WWOX: variants seen among roughly 807,000 people sequenced by gnomAD.
WWOX encodes the protein WW domain containing oxidoreductase.
Under a neutral mutation model 46.2 loss-of-function variants are expected in WWOX, and 69 were observed. The ratio of observed to expected loss-of-function variants is 1.49; its 90% CI spans 1.23 to 1.82. The LOEUF is 1.82. WWOX is among the 40% of genes most tolerant of loss of function. The probability of loss-of-function intolerance (pLI) is 0.00; values close to 1 mark genes in which losing one functional copy is unlikely to be tolerated. For missense variants in WWOX, 919 were observed against 542.6 expected (o/e 1.69, Z -6.89); for synonymous variants, 359 against 202.6 (o/e 1.77, Z -6.56).
At chr16:79,039,025 A>G (rs748383057) in intron 8 of WWOX, among the ~76,000 whole-genome samples, 1 of 152,180 alleles carries the variant, frequency 6.6e-6, no homozygotes, top group Non-Finnish European at 1.5e-5. Flanking sequence ...GTTATAATTC[A>G]TATGACTTAG....
intron 8 of WWOX, chr16:78,551,131 T>C (rs888982149): frequency 1.3e-5 from 2 of 152,132 alleles, no homozygotes; most frequent in Non-Finnish European, 1.5e-5. Flanking sequence ...GAAACAGATA[T>C]CCAGTATATT....
chr16:78,653,711 G>A (rs2047017249), intron 8 of WWOX, among the ~76,000 whole-genome samples: 1 of 152,240 alleles, frequency 6.6e-6, no homozygotes, highest in Admixed American at 6.5e-5. Context: ...TAGAGCCACT[G>A]ATTCAGCTGT....
intron 5 of WWOX, among the ~76,000 whole-genome samples, chr16:78,172,236 T>G (rs1048607773): frequency 1.3e-5 from 2 of 152,224 alleles, no homozygotes; most frequent in African/African-American, 2.4e-5. Context: ...GCGCTTCTTG[T>G]AATCTGAGGG....
intron 8 of WWOX, among the ~76,000 whole-genome samples, chr16:79,135,352 T>C (rs2049962996): frequency 6.6e-6 from 1 of 152,230 alleles, no homozygotes; most frequent in Non-Finnish European, 1.5e-5. Flanking sequence ...GGATTACATT[T>C]ATTTTCATTT....
At chr16:78,562,764 C>G (rs1226866408) in intron 8 of WWOX, among the ~76,000 whole-genome samples, 1 of 152,190 alleles carries the variant, frequency 6.6e-6, no homozygotes, top group East Asian at 1.9e-4. Flanking sequence ...ATCTTTAACT[C>G]AGGGAAGACC....
At chr16:78,116,023 G>A (rs192190205) in intron 4 of WWOX, among the ~76,000 whole-genome samples, 1 of 151,844 alleles carries the variant, frequency 6.6e-6, no homozygotes, top group Non-Finnish European at 1.5e-5. Context: ...TTTTTTGTGG[G>A]TATATAAAGG....
intron 8 of WWOX, among the ~76,000 whole-genome samples, chr16:78,807,302 A>G (rs982255633): frequency 6.6e-6 from 1 of 152,256 alleles, no homozygotes; most frequent in Non-Finnish European, 1.5e-5. Context: ...ACAATGTCAA[A>G]ATACTTAAAA....
intron 8 of WWOX, among the ~76,000 whole-genome samples, chr16:78,869,618 G>A (rs941352406): frequency 6.6e-6 from 1 of 152,306 alleles, no homozygotes; most frequent in Non-Finnish European, 1.5e-5. Context: ...GTTGGGAAAG[G>A]GTGTCATGAT....
At chr16:78,868,147 A>G (rs2044047151) in intron 8 of WWOX, among the ~76,000 whole-genome samples, 1 of 152,208 alleles carries the variant, frequency 6.6e-6, no homozygotes, top group Non-Finnish European at 1.5e-5. Flanking sequence ...TAGCTGGGGA[A>G]TGGAGAAACA....
chr16:79,040,406 C>G (rs2047948433), intron 8 of WWOX, among the ~76,000 whole-genome samples: 1 of 151,868 alleles, frequency 6.6e-6, no homozygotes, highest in Non-Finnish European at 1.5e-5. Flanking sequence ...TCATGAGCAG[C>G]TGGGACCACA....
intron 8 of WWOX, among the ~76,000 whole-genome samples, chr16:78,853,992 A>G (rs551876234): frequency 1.1e-4 from 16 of 152,186 alleles, no homozygotes; most frequent in African/African-American, 2.4e-5. Flanking sequence ...TAAAAAATGA[A>G]CAGAGGAAAT....
intron 5 of WWOX, among the ~76,000 whole-genome samples, chr16:78,217,694 A>G (rs1436420235): frequency 6.6e-6 from 1 of 152,150 alleles, no homozygotes; most frequent in African/African-American, 2.4e-5. Context: ...CTGAGACGTT[A>G]AAGGCAAGAT....
intron 5 of WWOX, among the ~76,000 whole-genome samples, chr16:78,292,815 A>T (rs1270667510): frequency 6.6e-6 from 1 of 152,160 alleles, no homozygotes; most frequent in Admixed American, 6.5e-5. Flanking sequence ...CTGAATGTGC[A>T]CTTCATTAAA....
intron 4 of WWOX, among the ~76,000 whole-genome samples, chr16:78,120,616 A>G (rs1378347436): frequency 6.6e-6 from 1 of 152,138 alleles, no homozygotes; most frequent in Non-Finnish European, 1.5e-5. Context: ...GAATCCCAAA[A>G]TGTAATTATA....
intron 8 of WWOX, chr16:78,873,144 G>A (rs1378955916): frequency 1.3e-5 from 2 of 152,096 alleles, no homozygotes; most frequent in Non-Finnish European, 2.9e-5. Flanking sequence ...CTCCATCTGG[G>A]TCTTGGTTCC....
At position 78,321,350 on chromosome 16, in the gene WWOX, G is replaced by GTATATATGCGTATATATATACGCA. The variant is rs1567499211; in HGVS notation, c.517-65488_517-65487insCATATATATGCGTATATATATACG. Reference sequence around the variant, plus strand: ...TACGTATATATGCGTATATATATACGTATATATGCGTATATATATACGTAT... The same window carrying GTATATATGCGTATATATATACGCA: ...TACGTATATATGCGTATATATATACGTATATATGCGTATATATATACGCATATATATGCGTATATATATACGTAT... On this transcript the variant is annotated intron_variant, in intron 5 of 8. Transcript: ENST00000566780. Among the ~76,000 whole-genome samples the GTATATATGCGTATATATATACGCA allele has an allele frequency of 8.4e-4, 29 of 34,696 alleles. 2 individuals carry two copies. Among genetic ancestry groups the GTATATATGCGTATATATATACGCA allele is most frequent in the Non-Finnish European group, 1.2e-3 (26 of 22,188 alleles). The allele number at this position is 34,696 out of a possible 152,430, so 22.8% of individuals were successfully genotyped here.
intron 8 of WWOX, among the ~76,000 whole-genome samples, chr16:78,603,819 A>G (rs1021423595): frequency 1.3e-5 from 2 of 152,210 alleles, no homozygotes; most frequent in Admixed American, 6.5e-5. Context: ...ACCACTCTCC[A>G]TCTGACTCAG....
chr16:79,026,149 C>T (rs1357302928), intron 8 of WWOX, among the ~76,000 whole-genome samples: 5 of 151,580 alleles, frequency 3.3e-5, no homozygotes, highest in Admixed American at 2.0e-4. Context: ...ACCTTCCACT[C>T]GCTTCTTTAA....
At chr16:78,817,630 GC>G (rs1362847858) in intron 8 of WWOX, among the ~76,000 whole-genome samples, 1 of 152,132 alleles carries the variant, frequency 6.6e-6, no homozygotes, top group African/African-American at 2.4e-5. Flanking sequence ...TTCAAGTTTA[GC>G]CCCTGTTAAG....
Sources: gnomAD v4.1 joint callset for allele counts (sites outside exome capture counted in the v4.1 genomes callset) on GRCh38, gnomAD v4.1.1 for gene constraint, MANE v1.5 for transcripts, NCBI Gene and HGNC (gene_info 2026-07-23, HGNC 2026-07-21) for gene names.